The following ABCB1 variants were observed in gnomAD, a reference collection of about 807,000 sequenced individuals.
ABCB1 encodes ATP-dependent translocase ABCB1.
In ABCB1, 69 loss-of-function variants were observed where a neutral mutation model predicts 142.0. That is an observed-to-expected ratio of 0.49 (90% CI 0.40 to 0.59). The LOEUF (loss-of-function observed/expected upper bound fraction) is 0.59, where lower values mean the gene tolerates loss of function less well. Among genes scored for constraint, ABCB1 ranks in the 20% least tolerant of loss-of-function variants. The probability of loss-of-function intolerance (pLI) is 0.00; values close to 1 mark genes in which losing one functional copy is unlikely to be tolerated. For synonymous variants in ABCB1, 532 were observed against 539.2 expected (o/e 0.99, Z 0.18); for missense variants, 1,326 against 1,554.7 (o/e 0.85, Z 2.47).
chr7:87,681,517 C>A (rs1826925874), intron 1 of ABCB1, among the ~76,000 whole-genome samples: 1 of 150,814 alleles, frequency 6.6e-6, no homozygotes, highest in Non-Finnish European at 1.5e-5. Flanking sequence ...ACACTGTAAT[C>A]TATTAAGTGT....
Position 87,504,837 on chromosome 7 carries a change from T to C in ABCB1, c.3637-388A>G, listed in dbSNP as rs372044023. ...AAAAAAAAAAAAAGCTCCACAACAA[T>C]ACAACAATAGATCCTTCTTAACAAG... is the stretch of plus-strand genomic sequence containing the variant. On this transcript the variant is annotated intron_variant, in intron 27 of 27. Coordinates refer to ENST00000622132, the MANE Select transcript of ABCB1 (RefSeq NM_001348946.2). Among the ~76,000 whole-genome samples, 96 of 149,324 alleles carry C rather than the reference T, an allele frequency of 6.4e-4. No individual in the cohort carries two copies. In the South Asian group the frequency reaches 0.019, roughly 30 times the overall value.
chr7:87,622,397 T>C (rs955340987), intron 1 of ABCB1, among the ~76,000 whole-genome samples: 1 of 152,190 alleles, frequency 6.6e-6, no homozygotes, highest in African/African-American at 2.4e-5. Context: ...TTGCTTGTTA[T>C]GCAGAAAAAT....
chr7:87,600,033 C>T (rs1383517460), intron 2 of ABCB1, 84 bp downstream of exon 2: 9 of 1,271,122 alleles, frequency 7.1e-6, no homozygotes, highest in African/African-American at 1.5e-5. Context: ...AACAACATGT[C>T]ATTTATTTCA....
chr7:87,674,030 C>A (rs1450952762), intron 1 of ABCB1, among the ~76,000 whole-genome samples: 2 of 152,112 alleles, frequency 1.3e-5, no homozygotes, highest in Admixed American at 6.5e-5. Flanking sequence ...GGAACTGGTA[C>A]CTGGCCCCTG....
chr7:87,520,911 A>G lies in ABCB1; in HGVS notation c.2686-35T>C, dbSNP rs1584841973. On this transcript the variant is annotated intron_variant, in intron 21 of 27. Coordinates refer to ENST00000622132, the MANE Select transcript of ABCB1 (RefSeq NM_001348946.2). ...ACAGCACCGATCACCAAGAGGCACA[A>G]GAGTAAATAGTGGTGATTAATTTGA... 1 of 1,459,954 alleles carries G rather than the reference A, an allele frequency of 6.8e-7. No individual in the cohort carries two copies. The highest frequency in any genetic ancestry group is 2.3e-5 in the East Asian group (1 of 44,098). The allele number at this position is 1,459,954 out of a possible 1,614,324, so 90.4% of individuals were successfully genotyped here.
chr7:87,670,887 T>C (rs1825759277), intron 1 of ABCB1, among the ~76,000 whole-genome samples: 1 of 152,222 alleles, frequency 6.6e-6, no homozygotes, highest in African/African-American at 2.4e-5. Flanking sequence ...GTTCTGAAAG[T>C]GTGAGTTTCT....
chr7:87,623,204 A>G (rs1054503728), intron 1 of ABCB1, among the ~76,000 whole-genome samples: 1 of 152,178 alleles, frequency 6.6e-6, no homozygotes, highest in Non-Finnish European at 1.5e-5. Context: ...CTTACTTTAG[A>G]GAACGGTTCT....
chr7:87,631,833 A>G (rs1821255770), intron 1 of ABCB1, among the ~76,000 whole-genome samples: 1 of 152,238 alleles, frequency 6.6e-6, no homozygotes, highest in South Asian at 2.1e-4. Flanking sequence ...CAACCTTTCC[A>G]TTTGTTCATT....
intron 1 of ABCB1, among the ~76,000 whole-genome samples, chr7:87,623,357 C>T (rs973708121): frequency 6.6e-6 from 1 of 152,214 alleles, no homozygotes; most frequent in African/African-American, 2.4e-5. Context: ...CTCAAAGAAA[C>T]TGTAGGACCA....
chr7:87,646,690 T>C (rs1823034860), intron 1 of ABCB1, among the ~76,000 whole-genome samples: 1 of 152,176 alleles, frequency 6.6e-6, no homozygotes, highest in East Asian at 1.9e-4. Flanking sequence ...ACATTTCTCA[T>C]TTCCTTTTCC....
intron 24 of ABCB1, among the ~76,000 whole-genome samples, chr7:87,516,120 C>T (rs1478367040): frequency 1.3e-5 from 2 of 152,076 alleles, no homozygotes; most frequent in Non-Finnish European, 2.9e-5. Context: ...ATGGCACACG[C>T]TTGTAGTCCC....
At chr7:87,625,405 C>T (rs1158221328) in intron 1 of ABCB1, among the ~76,000 whole-genome samples, 1 of 152,212 alleles carries the variant, frequency 6.6e-6, no homozygotes, top group Admixed American at 6.5e-5. Flanking sequence ...TAACATCTCA[C>T]TTTTCTCGTT....
intron 25 of ABCB1, among the ~76,000 whole-genome samples, chr7:87,511,380 CA>C (rs1814999782): frequency 6.6e-6 from 1 of 152,122 alleles, no homozygotes; most frequent in Non-Finnish European, 1.5e-5. Flanking sequence ...AATGAAAGGC[CA>C]GATTAAAATG....
chr7:87,682,357 T>A (rs1372892772), intron 1 of ABCB1, among the ~76,000 whole-genome samples: 1 of 152,228 alleles, frequency 6.6e-6, no homozygotes, highest in East Asian at 1.9e-4. Context: ...ATCTCGAATG[T>A]TCTTGACGAA....
intron 1 of ABCB1, among the ~76,000 whole-genome samples, chr7:87,632,275 A>G (rs934029105): frequency 6.6e-6 from 1 of 152,214 alleles, no homozygotes; most frequent in South Asian, 2.1e-4. Flanking sequence ...GCTTTATTCA[A>G]GTGCAATATA....
intron 1 of ABCB1, among the ~76,000 whole-genome samples, chr7:87,707,523 A>G (rs1435029449): frequency 6.6e-6 from 1 of 151,834 alleles, no homozygotes; most frequent in Non-Finnish European, 1.5e-5. Context: ...AAAATACAAA[A>G]ATTAGCCAGG....
Position 87,600,191 on chromosome 7 carries a change from C to A in ABCB1, c.-6-1G>T. ...GGTCCCCTTCAAGATCCATTCCGAC[C>A]TGAAGAGAAACCGCAGCTCATTAGC... On this transcript the variant is annotated splice_acceptor_variant, in intron 1 of 27. Transcript: ENST00000622132. LOFTEE classifies it low-confidence loss of function (5UTR_SPLICE). 6.2e-7 allele frequency: 1 copy of A among 1,613,856 alleles called. No individual in the cohort carries two copies. Among genetic ancestry groups the A allele is most frequent in the Non-Finnish European group, 8.5e-7 (1 of 1,179,794 alleles).
chr7:87,527,915 A>G (rs1390197597), intron 21 of ABCB1, among the ~76,000 whole-genome samples: 1 of 152,212 alleles, frequency 6.6e-6, no homozygotes, highest in Non-Finnish European at 1.5e-5. Context: ...TGGGTAATTT[A>G]TAAAGGAAAG....
At chr7:87,523,628 A>G (rs1815638928) in intron 21 of ABCB1, among the ~76,000 whole-genome samples, 1 of 152,220 alleles carries the variant, frequency 6.6e-6, no homozygotes, top group Admixed American at 6.5e-5. Flanking sequence ...TCTTAAAAAG[A>G]AAGTTTCCAT....
Sources: allele counts gnomAD v4.1 joint callset (sites outside exome capture counted in the v4.1 genomes callset), GRCh38; gene constraint gnomAD v4.1.1; transcripts MANE v1.5; gene names NCBI Gene and HGNC (gene_info 2026-07-23, HGNC 2026-07-21).